KCTD7: variants seen among roughly 807,000 people sequenced by gnomAD.
The protein encoded by KCTD7 is potassium channel tetramerization domain containing 7, also known as BTB/POZ domain-containing protein KCTD7.
In KCTD7, 15 loss-of-function variants were observed where a neutral mutation model predicts 27.0. That is an observed-to-expected ratio of 0.56 (90% CI 0.37 to 0.86). The LOEUF (loss-of-function observed/expected upper bound fraction) is 0.86. KCTD7 is among the 40% of genes least tolerant of loss of function. The pLI is 0.00. For missense variants in KCTD7, 299 were observed against 398.9 expected (o/e 0.75, Z 2.13); for synonymous variants, 159 against 162.7 (o/e 0.98, Z 0.17).
rs181119133 is a variant in KCTD7, at chr7:66,632,315, A to G, written c.145-960A>G. 1.4e-3 allele frequency among the ~76,000 whole-genome samples: 208 copies of G among 151,968 alleles called. 1 individual carries two copies. Among genetic ancestry groups the G allele is most frequent in the African/African-American group, 4.0e-3 (164 of 41,446 alleles). The stretch of plus-strand genomic sequence containing the variant: ...ATCCTGGCTAACACGGTGAAACCCT[A>G]TCTCTACTAAAAATACAAAAAATTA... On this transcript the variant is annotated intron_variant, in intron 1 of 3. Coordinates refer to ENST00000639828, the MANE Select transcript of KCTD7 (RefSeq NM_153033.5).
chr7:66,637,563 GT>G (rs1210209699), intron 2 of KCTD7, among the ~76,000 whole-genome samples: 2 of 152,060 alleles, frequency 1.3e-5, no homozygotes, highest in Non-Finnish European at 2.9e-5. Flanking sequence ...CTACTGGTTT[GT>G]TTTTATTATT....
chr7:66,635,066 G>T (rs1351316503), intron 2 of KCTD7, among the ~76,000 whole-genome samples: 2 of 148,224 alleles, frequency 1.3e-5, no homozygotes, highest in Admixed American at 1.4e-4. Flanking sequence ...CAAGCTGAGT[G>T]CAGTGATGCA....
rs1341464786 is a variant in KCTD7, at chr7:66,641,270, G to T, written c.*2038G>T. 1 of 985,236 alleles carries T rather than the reference G, an allele frequency of 1.0e-6. No individual in the cohort carries two copies. Among genetic ancestry groups the T allele is most frequent in the Non-Finnish European group, 1.2e-6 (1 of 829,928 alleles). 61.0% of individuals were successfully genotyped at this position (985,236 alleles called of 1,614,324 possible). On this transcript the variant is annotated 3_prime_UTR_variant, in exon 4 of 4. Transcript: ENST00000639828. ...AAAAGGCTTTCATTTTGGTTCTTCTGATTGGTGTTACCTACTGCCTAATAT... is the reference window on the plus strand; with the variant it reads ...AAAAGGCTTTCATTTTGGTTCTTCTTATTGGTGTTACCTACTGCCTAATAT...
intron 2 of KCTD7, among the ~76,000 whole-genome samples, chr7:66,636,124 A>C (rs1786578846): frequency 6.6e-6 from 1 of 152,268 alleles, no homozygotes; most frequent in Non-Finnish European, 1.5e-5. Context: ...AATGACTCAG[A>C]TAAAATAGGC....
chr7:66,641,999 C>G lies in KCTD7; in HGVS notation c.*2767C>G. ...TTGTGCATAATGTCAGTAAATCCCT[C>G]TCACTTGACAAGGGACTGGATTCAT... On this transcript the variant is annotated 3_prime_UTR_variant, in exon 4 of 4. Coordinates refer to ENST00000639828, the MANE Select transcript of KCTD7 (RefSeq NM_153033.5). The G allele has an allele frequency of 1.0e-6, 1 of 985,424 alleles. No homozygotes were observed. The highest frequency in any genetic ancestry group is 1.2e-6 in the Non-Finnish European group (1 of 829,912). 61.0% of individuals were successfully genotyped at this position (985,424 alleles called of 1,614,324 possible). A position where few individuals can be genotyped will look rare whatever the true frequency, so the allele number is the denominator to read the frequency against.
rs1786666806 is a variant in KCTD7, at chr7:66,639,558, A to G, written c.*326A>G. 6 of 1,361,126 alleles carry G rather than the reference A, an allele frequency of 4.4e-6. No homozygotes were observed. The highest frequency in any genetic ancestry group is 5.7e-6 in the Non-Finnish European group (6 of 1,052,856). The allele number at this position is 1,361,126 out of a possible 1,614,324, so 84.3% of individuals were successfully genotyped here. On this transcript the variant is annotated 3_prime_UTR_variant, in exon 4 of 4. Transcript: ENST00000639828. Reference sequence around the variant, plus strand: ...AGTTTTGTCACCTTCTTGACCTTGCAAGAGAGTTTCTGCCCATTTTAGAGC... The same window carrying G: ...AGTTTTGTCACCTTCTTGACCTTGCGAGAGAGTTTCTGCCCATTTTAGAGC...
intron 1 of KCTD7, among the ~76,000 whole-genome samples, chr7:66,632,501 A>G (rs1017351781): frequency 6.6e-6 from 1 of 151,878 alleles, no homozygotes; most frequent in African/African-American, 2.4e-5. Context: ...AAAAAAAAAA[A>G]AAAAGAAAAA....
At position 66,639,826 on chromosome 7, in the gene KCTD7, T is replaced by C; in HGVS notation, c.*594T>C. ...CTTTTCTTTTCCTTCCGGAACATGTTCTTCACCACCTTTTGGAGATTTAAC... is the reference window on the plus strand; with the variant it reads ...CTTTTCTTTTCCTTCCGGAACATGTCCTTCACCACCTTTTGGAGATTTAAC... On this transcript the variant is annotated 3_prime_UTR_variant, in exon 4 of 4. Transcript: ENST00000639828. 1 of 1,248,128 alleles carries C rather than the reference T, an allele frequency of 8.0e-7. No individual in the cohort carries two copies. Among genetic ancestry groups the C allele is most frequent in the Non-Finnish European group, 1.0e-6 (1 of 997,072 alleles). 77.3% of individuals were successfully genotyped at this position (1,248,128 alleles called of 1,614,324 possible). A position where few individuals can be genotyped will look rare whatever the true frequency, so the allele number is the denominator to read the frequency against.
chr7:66,635,860 C>T (rs1786573896), intron 2 of KCTD7, among the ~76,000 whole-genome samples: 1 of 151,890 alleles, frequency 6.6e-6, no homozygotes, highest in African/African-American at 2.4e-5. Flanking sequence ...GCAGCTCCCA[C>T]AGCACCCTTA....
intron 2 of KCTD7, among the ~76,000 whole-genome samples, chr7:66,633,944 C>T (rs1264688940): frequency 3.3e-5 from 5 of 151,898 alleles, no homozygotes; most frequent in East Asian, 1.9e-4. Flanking sequence ...CCCGAGATCA[C>T]GCCTCTGCGC....
intron 2 of KCTD7, among the ~76,000 whole-genome samples, chr7:66,634,237 A>G (rs28480509): frequency 0.69 from 99,898 of 144,624 alleles, 33,585 homozygotes; most frequent in African/African-American, 0.77. Context: ...TATAAAAATA[A>G]AGATAGGATC....
At chr7:66,629,956 A>G (rs905725091) in intron 1 of KCTD7, among the ~76,000 whole-genome samples, 1 of 152,154 alleles carries the variant, frequency 6.6e-6, no homozygotes, top group Non-Finnish European at 1.5e-5. Context: ...TATCATGTCA[A>G]CACCTGAAAT....
downstream of KCTD7, chr7:66,643,102 C>G (rs531256310): frequency 1.0e-6 from 1 of 985,388 alleles, no homozygotes; most frequent in Non-Finnish European, 1.2e-6. Context: ...TTCTCTGACC[C>G]CCACTTTGCC....
chr7:66,637,188 C>T (rs1786607239), intron 2 of KCTD7, among the ~76,000 whole-genome samples: 1 of 152,194 alleles, frequency 6.6e-6, no homozygotes, highest in Admixed American at 6.5e-5. Flanking sequence ...CAGGTTGAAG[C>T]AGTTCCCCTG....
At chr7:66,643,225 G>A, downstream of KCTD7, 1 of 984,644 alleles carries the variant, frequency 1.0e-6, no homozygotes, top group Non-Finnish European at 1.2e-6. Flanking sequence ...AAAGGGAGGT[G>A]GGCCTCTTGA....
rs142379946 is a variant in KCTD7, at chr7:66,638,869, G to C, written c.507G>C (p.Arg169=). Residue 169 remains arginine, a synonymous_variant, in exon 4 of 4, where the codon CGG becomes CGC. Transcript: ENST00000639828. ...LMPYYKDHLE[R]IVEIARLRAV... ...TCATCCTTATAGACCACTTGGAGCG[G>C]ATTGTGGAGATCGCCCGGCTGCGTG... 83 of 1,613,976 alleles carry C rather than the reference G, an allele frequency of 5.1e-5. No homozygotes were observed. In the African/African-American group the frequency reaches 9.9e-4, roughly 19 times the overall value.
At position 66,639,814 on chromosome 7, in the gene KCTD7, T is replaced by C; in HGVS notation, c.*582T>C. On this transcript the variant is annotated 3_prime_UTR_variant, in exon 4 of 4. Transcript: ENST00000639828. ...AATGTGGAAAGACTTTTCTTTTCCTTCCGGAACATGTTCTTCACCACCTTT... is the reference window on the plus strand; with the variant it reads ...AATGTGGAAAGACTTTTCTTTTCCTCCCGGAACATGTTCTTCACCACCTTT... The C allele has an allele frequency of 8.0e-7, 1 of 1,248,674 alleles. No individual in the cohort carries two copies. Among genetic ancestry groups the C allele is most frequent in the Non-Finnish European group, 1.0e-6 (1 of 997,532 alleles). The allele number at this position is 1,248,674 out of a possible 1,614,324, so 77.3% of individuals were successfully genotyped here. A position where few individuals can be genotyped will look rare whatever the true frequency, so the allele number is the denominator to read the frequency against.
chr7:66,634,113 C>CATATATATAT (rs3069693), intron 2 of KCTD7, among the ~76,000 whole-genome samples: 2,781 of 132,144 alleles, frequency 0.021, 63 homozygotes, highest in African/African-American at 0.04. Flanking sequence ...TGTGTGTATA[C>CATATATATAT]ATATATATAT....
At position 66,640,162 on chromosome 7, in the gene KCTD7, C is replaced by A; in HGVS notation, c.*930C>A. The A allele has an allele frequency of 7.1e-7, 1 of 1,399,424 alleles. No homozygotes were observed. The highest frequency in any genetic ancestry group is 1.8e-5 in the South Asian group (1 of 56,514). 86.7% of individuals were successfully genotyped at this position (1,399,424 alleles called of 1,614,324 possible). On this transcript the variant is annotated 3_prime_UTR_variant, in exon 4 of 4. Transcript: ENST00000639828. ...ACCTCTTTGGAAGGGGACCCCCTCT[C>A]TTTAAACCCTGTTCCTCTGTCCTGG...
Sources: allele counts gnomAD v4.1 joint callset (sites outside exome capture counted in the v4.1 genomes callset), GRCh38; gene constraint gnomAD v4.1.1; transcripts MANE v1.5; gene names NCBI Gene and HGNC (gene_info 2026-07-23, HGNC 2026-07-21).